The following RBFOX1 variants were observed in gnomAD, a reference collection of about 807,000 sequenced individuals.
RBFOX1 encodes the protein RNA binding protein fox-1 homolog 1.
Under a neutral mutation model 57.7 loss-of-function variants are expected in RBFOX1, and 8 were observed. The ratio of observed to expected loss-of-function variants is 0.14; its 90% CI spans 0.08 to 0.25. The LOEUF (loss-of-function observed/expected upper bound fraction) is 0.25. Among genes scored for constraint, RBFOX1 ranks in the 10% least tolerant of loss-of-function variants. The probability of loss-of-function intolerance (pLI) is 1.00; values close to 1 mark genes in which losing one functional copy is unlikely to be tolerated. For synonymous variants in RBFOX1, 326 were observed against 222.4 expected (o/e 1.47, Z -4.15); for missense variants, 611 against 548.5 (o/e 1.11, Z -1.14).
intron 1 of RBFOX1, among the ~76,000 whole-genome samples, chr16:5,427,831 T>C (rs1332597394): frequency 6.6e-6 from 1 of 152,130 alleles, no homozygotes; most frequent in African/African-American, 2.4e-5. Context: ...ATTTCTCTGT[T>C]AATATCATAC....
At chr16:7,321,920 C>G (rs1465245075) in intron 4 of RBFOX1, among the ~76,000 whole-genome samples, 1 of 152,174 alleles carries the variant, frequency 6.6e-6, no homozygotes, top group East Asian at 1.9e-4. Flanking sequence ...CAGTCAGCCC[C>G]TTGGCTAATC....
chr16:5,704,171 G>A (rs143130386), intron 3 of RBFOX1, among the ~76,000 whole-genome samples: 1 of 152,306 alleles, frequency 6.6e-6, no homozygotes, highest in African/African-American at 2.4e-5. Flanking sequence ...CCCAAATGCA[G>A]AGACATTTAG....
intron 2 of RBFOX1, among the ~76,000 whole-genome samples, chr16:6,450,767 G>GTGTA (rs1345156914): frequency 2.9e-5 from 1 of 34,136 alleles, no homozygotes; most frequent in Non-Finnish European, 5.2e-5. Context: ...ATATATATGT[G>GTGTA]TATATATATA....
intron 4 of RBFOX1, among the ~76,000 whole-genome samples, chr16:6,008,032 C>G (rs1335726371): frequency 1.3e-5 from 2 of 152,066 alleles, no homozygotes; most frequent in Non-Finnish European, 2.9e-5. Context: ...GTTGAAACCT[C>G]ATCTCTACTG....
rs532688341 is a variant in RBFOX1, at chr16:5,847,553, T to C, written c.319-19750T>C. 4.6e-5 allele frequency among the ~76,000 whole-genome samples: 7 copies of C among 152,302 alleles called. No homozygotes were observed. In the South Asian group the frequency reaches 1.2e-3, roughly 27 times the overall value. On this transcript the variant is annotated intron_variant, in intron 3 of 19. Transcript: ENST00000641259. ...AAAGGCTGAGTTTTTATTAGAGGTA[T>C]GTCACGGTGTTGCATTAGAACTGGA...
At chr16:6,807,070 G>A (rs1216500648) in intron 3 of RBFOX1, among the ~76,000 whole-genome samples, 1 of 151,724 alleles carries the variant, frequency 6.6e-6, no homozygotes, top group Non-Finnish European at 1.5e-5. Context: ...CTGACCTCAA[G>A]TAGTATGCCT....
intron 4 of RBFOX1, chr16:7,304,600 G>T: frequency 5.1e-6 from 5 of 984,550 alleles, no homozygotes; most frequent in Non-Finnish European, 6.0e-6. Context: ...GGGGGCTCCC[G>T]CGTTGCGATG....
chr16:7,628,683 G>A (rs2060456464), intron 10 of RBFOX1, among the ~76,000 whole-genome samples: 1 of 152,106 alleles, frequency 6.6e-6, no homozygotes, highest in Admixed American at 6.6e-5. Context: ...CGTGATCTCG[G>A]CTTACTGCAA....
chr16:6,807,089 C>T (rs67598351), intron 3 of RBFOX1, among the ~76,000 whole-genome samples: 21,653 of 151,566 alleles, frequency 0.14, 1,905 homozygotes, highest in South Asian at 0.24. Flanking sequence ...CTGCTTCAGC[C>T]TCCCAAAGTG....
chr16:7,652,655 C>T (rs552472073), intron 11 of RBFOX1, among the ~76,000 whole-genome samples: 2 of 152,214 alleles, frequency 1.3e-5, no homozygotes, highest in Non-Finnish European at 2.9e-5. Context: ...ATCCACCTGC[C>T]TCAGCCTCCC....
intron 4 of RBFOX1, among the ~76,000 whole-genome samples, chr16:7,369,328 C>T (rs2097526526): frequency 6.6e-6 from 1 of 152,098 alleles, no homozygotes; most frequent in African/African-American, 2.4e-5. Flanking sequence ...CTTCATCCAG[C>T]TTTTCTGCAA....
intron 3 of RBFOX1, among the ~76,000 whole-genome samples, chr16:6,880,871 G>T (rs546969394): frequency 6.6e-6 from 1 of 152,286 alleles, no homozygotes; most frequent in South Asian, 2.1e-4. Context: ...CATTTTATGT[G>T]GTTGACAGAA....
chr16:5,731,888 C>G (rs1597013087), intron 3 of RBFOX1, among the ~76,000 whole-genome samples: 1 of 152,290 alleles, frequency 6.6e-6, no homozygotes, highest in Admixed American at 6.5e-5. Context: ...ACATGTTAGC[C>G]TCTCAATCAG....
At chr16:7,219,545 A>T (rs867026084) in intron 4 of RBFOX1, among the ~76,000 whole-genome samples, 1 of 152,174 alleles carries the variant, frequency 6.6e-6, no homozygotes, top group Non-Finnish European at 1.5e-5. Context: ...AACAAATATG[A>T]CAGACTTGCT....
intron 2 of RBFOX1, among the ~76,000 whole-genome samples, chr16:5,475,187 T>C (rs1283908642): frequency 1.3e-5 from 2 of 152,344 alleles, no homozygotes; most frequent in East Asian, 3.9e-4. Flanking sequence ...TGATCTTCTG[T>C]CATTTAAAAA....
chr16:7,644,380 G>A (rs952890536), intron 11 of RBFOX1, among the ~76,000 whole-genome samples: 1 of 152,178 alleles, frequency 6.6e-6, no homozygotes, highest in South Asian at 2.1e-4. Flanking sequence ...TGGAGCCTCA[G>A]AGGTTGGAAT....
chr16:5,891,910 G>A (rs2058052844), intron 4 of RBFOX1, among the ~76,000 whole-genome samples: 2 of 152,192 alleles, frequency 1.3e-5, no homozygotes, highest in Admixed American at 6.5e-5. Context: ...CAGGACTAAA[G>A]CCGCTTCCTC....
At chr16:5,765,869 C>T (rs2053758748) in intron 3 of RBFOX1, among the ~76,000 whole-genome samples, 1 of 152,212 alleles carries the variant, frequency 6.6e-6, no homozygotes, top group African/African-American at 2.4e-5. Flanking sequence ...GATTCCTAGT[C>T]TCCCGTGGAA....
At chr16:6,623,192 G>A (rs1464368852) in intron 2 of RBFOX1, among the ~76,000 whole-genome samples, 2 of 152,140 alleles carry the variant, frequency 1.3e-5, no homozygotes, top group African/African-American at 4.8e-5. Context: ...ATCAAAACAT[G>A]CATGCAAATG....
Sources: allele counts gnomAD v4.1 joint callset (sites outside exome capture counted in the v4.1 genomes callset), GRCh38; gene constraint gnomAD v4.1.1; transcripts MANE v1.5; gene names NCBI Gene and HGNC (gene_info 2026-07-23, HGNC 2026-07-21).